DENND4C: variants seen among roughly 807,000 people sequenced by gnomAD.
DENND4C encodes DENN domain-containing protein 4C.
Under a neutral mutation model 203.0 loss-of-function variants are expected in DENND4C, and 108 were observed. The observed-to-expected ratio is 0.53, with a 90% CI of 0.46 to 0.62. The LOEUF (loss-of-function observed/expected upper bound fraction) is 0.62. Ranked by LOEUF, DENND4C falls within the 20% of genes least tolerant of loss-of-function variation. The pLI, the probability that DENND4C is intolerant of heterozygous loss-of-function variation, is 0.00. For synonymous variants in DENND4C, 871 were observed against 792.4 expected, an observed-to-expected ratio of 1.10 and a Z score of -1.67; for missense variants, 2,481 against 2,301.2, an observed-to-expected ratio of 1.08 and a Z score of -1.60.
At chr9:19,317,160 A>G (rs1399449245) in intron 12 of DENND4C, among the ~76,000 whole-genome samples, 1 of 149,666 alleles carries the variant, frequency 6.7e-6, no homozygotes, top group Non-Finnish European at 1.5e-5. Flanking sequence ...TCAATTTTGC[A>G]TAGTTCCTTG....
In DENND4C at chr9:19,350,602, T is replaced by G. The variant is rs917255910; in HGVS notation, c.4318-100T>G. On this transcript the variant is annotated intron_variant, in intron 23 of 32. Transcript: ENST00000434457. ...AAAAATGTGGGGATGATGATTTGTT[T>G]AAGGATTATAGAGTTTAATTTTGAA... 3 of 980,768 alleles carry G rather than the reference T, an allele frequency of 3.1e-6. No individual in the cohort carries two copies. The African/African-American group carries it at 4.9e-5, about 16-fold the overall frequency. The allele number at this position is 980,768 out of a possible 1,614,324, so 60.8% of individuals were successfully genotyped here. A position where few individuals can be genotyped will look rare whatever the true frequency, so the allele number is the denominator to read the frequency against.
In DENND4C at chr9:19,246,744, T is replaced by A. The variant is rs370977298; in HGVS notation, c.-18+15911T>A. ...TTTTGTTTTTGTTTGTTTGTTTTATTTTTATTTTATCTAGACCTGCACATC... is the reference window on the plus strand; with the variant it reads ...TTTTGTTTTTGTTTGTTTGTTTTATATTTATTTTATCTAGACCTGCACATC... On this transcript the variant is annotated intron_variant, in intron 1 of 32. Coordinates refer to ENST00000434457, the MANE Select transcript of DENND4C (RefSeq NM_001330640.2). 8.5e-5 allele frequency among the ~76,000 whole-genome samples: 13 copies of A among 152,298 alleles called. No homozygotes were observed. In the East Asian group the frequency reaches 9.6e-4, roughly 11 times the overall value.
rs1482046003 is a variant in DENND4C, at chr9:19,357,820, G to T, written c.4965-145G>T. On this transcript the variant is annotated intron_variant, in intron 27 of 32. Coordinates refer to ENST00000434457, the MANE Select transcript of DENND4C (RefSeq NM_001330640.2). ...GACCAGTTTTACAAAAATGGTTGAAGGAAATGCAATTCTTACAAGGTGGTG... is the reference window on the plus strand; with the variant it reads ...GACCAGTTTTACAAAAATGGTTGAATGAAATGCAATTCTTACAAGGTGGTG... 7.8e-5 allele frequency: 51 copies of T among 657,882 alleles called. No individual in the cohort carries two copies. The East Asian group carries it at 1.4e-3, about 18-fold the overall frequency. 40.8% of individuals were successfully genotyped at this position (657,882 alleles called of 1,614,324 possible).
At position 19,276,648 on chromosome 9, in the gene DENND4C, A is replaced by G. The variant is rs887104650; in HGVS notation, c.305+169A>G. ...TTATAGTAATATATTACATGCCAGT[A>G]TCCACCCTTACTGAATTTCTTTGCA... On this transcript the variant is annotated intron_variant, in intron 2 of 32. Coordinates refer to ENST00000434457, the MANE Select transcript of DENND4C (RefSeq NM_001330640.2). 6 of 420,030 alleles carry G rather than the reference A, an allele frequency of 1.4e-5. No individual in the cohort carries two copies. The East Asian group carries it at 2.2e-4, about 15-fold the overall frequency. The allele number at this position is 420,030 out of a possible 1,614,324, so 26.0% of individuals were successfully genotyped here.
chr9:19,335,144 TA>T, intron 18 of DENND4C, 39 bp downstream of exon 18: 2 of 1,406,800 alleles, frequency 1.4e-6, no homozygotes, highest in Non-Finnish European at 1.9e-6. Flanking sequence ...TGGTGTTTAT[TA>T]AGAATGATTA....
At position 19,361,882 on chromosome 9, in the gene DENND4C, G is replaced by C. The variant is rs767625879; in HGVS notation, c.5443G>C (p.Val1815Leu). Residue 1815 changes from valine to leucine, a missense_variant, in exon 30 of 33, where the codon GTG becomes CTG. By Grantham distance (32) the Val-to-Leu change is conservative. Transcript: ENST00000434457. ...ATCTCTGTCCCAGGATAGCAAACTTGTGTATATTCAGCTGTTATGGGATAA... is the reference window on the plus strand; with the variant it reads ...ATCTCTGTCCCAGGATAGCAAACTTCTGTATATTCAGCTGTTATGGGATAA... Reference protein sequence around the residue: ...LSSLSQDSKLVYIQLLWDNIN... With the variant: ...LSSLSQDSKLLYIQLLWDNIN... 1.2e-6 allele frequency: 2 copies of C among 1,612,396 alleles called. No individual in the cohort carries two copies. Among genetic ancestry groups the C allele is most frequent in the East Asian group, 4.5e-5 (2 of 44,864 alleles).
At chr9:19,371,565 C>T (rs1298908524) in intron 31 of DENND4C, 191 bp from the exon 32 acceptor site, 1 of 383,000 alleles carries the variant, frequency 2.6e-6, no homozygotes, top group South Asian at 3.5e-5. Context: ...TTCAATGTAG[C>T]CTTCACACAG....
Position 19,305,391 on chromosome 9 carries a change from C to G in DENND4C, c.1351C>G (p.Leu451Val). 1 of 1,613,724 alleles carries G rather than the reference C, an allele frequency of 6.2e-7. No homozygotes were observed. Among genetic ancestry groups the G allele is most frequent in the Non-Finnish European group, 8.5e-7 (1 of 1,179,814 alleles). ...PFQWQCPYIP[L>V]CPLSLAAVLS... ...TCAGTGGCAATGCCCATATATTCCC[C>G]TTTGTCCTCTTTCACTGGCTGCAGT... is the stretch of plus-strand genomic sequence containing the variant. The change falls in exon 10 of 33, where the codon CTT becomes GTT. Residue 451 changes from leucine (L) to valine (V), a missense_variant. This residue lies in a region of DENND4C where 2,289 missense variants were observed against 2,113.3 expected (regional missense o/e 1.08). Coordinates refer to ENST00000434457, the MANE Select transcript of DENND4C (RefSeq NM_001330640.2).
chr9:19,372,323 T>C lies in DENND4C; in HGVS notation c.*150T>C, dbSNP rs1202635814. Reference sequence around the variant, plus strand: ...AATATATAATGAATTATGATTCATATTGCATTACCTTGAAATATGAAGTGC... The same window carrying C: ...AATATATAATGAATTATGATTCATACTGCATTACCTTGAAATATGAAGTGC... On this transcript the variant is annotated 3_prime_UTR_variant, in exon 33 of 33. Transcript: ENST00000434457. 2 of 913,058 alleles carry C rather than the reference T, an allele frequency of 2.2e-6. No homozygotes were observed. The highest frequency in any genetic ancestry group is 3.2e-6 in the Non-Finnish European group (2 of 626,052). The allele number at this position is 913,058 out of a possible 1,614,324, so 56.6% of individuals were successfully genotyped here. A position where few individuals can be genotyped will look rare whatever the true frequency, so the allele number is the denominator to read the frequency against.
chr9:19,238,886 C>T (rs182663018), intron 1 of DENND4C, among the ~76,000 whole-genome samples: 6 of 151,052 alleles, frequency 4.0e-5, no homozygotes, highest in Middle Eastern at 3.4e-3. Flanking sequence ...CTCTTGACCT[C>T]AGGTGATCCA....
chr9:19,340,991 G>A lies in DENND4C; in HGVS notation c.2882-1G>A. On this transcript the variant is annotated splice_acceptor_variant, in intron 20 of 32. Coordinates refer to ENST00000434457, the MANE Select transcript of DENND4C (RefSeq NM_001330640.2). LOFTEE classifies it high-confidence loss of function. ...ATGTAAGTCTGCATTCTTTTTAACA[G>A]GTGGTCAGTCTGACCAAGGATACGG... 1 of 1,593,992 alleles carries A rather than the reference G, an allele frequency of 6.3e-7. No homozygotes were observed. Among genetic ancestry groups the A allele is most frequent in the Non-Finnish European group, 8.5e-7 (1 of 1,173,626 alleles).
intron 30 of DENND4C, among the ~76,000 whole-genome samples, chr9:19,364,443 C>T (rs949081321): frequency 2.0e-5 from 3 of 152,168 alleles, no homozygotes. Flanking sequence ...ATACAGTACA[C>T]AGCTAACTGT....
rs145792047 is a variant in DENND4C, at chr9:19,341,257, G to C, written c.3004+143G>C. 65 of 520,912 alleles carry C rather than the reference G, an allele frequency of 1.2e-4. No individual in the cohort carries two copies. The East Asian group carries it at 1.4e-3, about 11-fold the overall frequency. The allele number at this position is 520,912 out of a possible 1,614,324, so 32.3% of individuals were successfully genotyped here. ...TAAGATGCTGTGTACTGTTACATAA[G>C]GTAGATTTTGGTAGTCTCTGAAGTT... On this transcript the variant is annotated intron_variant, in intron 21 of 32. Coordinates refer to ENST00000434457, the MANE Select transcript of DENND4C (RefSeq NM_001330640.2).
chr9:19,275,060 C>T (rs535694280), intron 1 of DENND4C, among the ~76,000 whole-genome samples: 3 of 151,114 alleles, frequency 2.0e-5, no homozygotes, highest in East Asian at 2.0e-4. Context: ...CACTGCAAAC[C>T]TCTGCCCCCC....
intron 1 of DENND4C, among the ~76,000 whole-genome samples, chr9:19,269,193 G>A (rs1345644532): frequency 2.0e-5 from 3 of 151,330 alleles, no homozygotes; most frequent in South Asian, 4.2e-4. Context: ...ATGGAGTTTC[G>A]CTTTTGTTGC....
At chr9:19,317,509 C>T (rs75261636) in intron 12 of DENND4C, among the ~76,000 whole-genome samples, 3,232 of 152,164 alleles carry the variant, frequency 0.021, 121 homozygotes, top group African/African-American at 0.073. Flanking sequence ...AGCAATCTTA[C>T]ATCTATATCA....
At chr9:19,275,325 C>T (rs1388341225) in intron 1 of DENND4C, among the ~76,000 whole-genome samples, 2 of 133,220 alleles carry the variant, frequency 1.5e-5, no homozygotes, top group African/African-American at 2.9e-5. Flanking sequence ...CAGAGTCTCA[C>T]TCTGTCTTCC....
At chr9:19,252,655 A>T in intron 1 of DENND4C, among the ~76,000 whole-genome samples, 1 of 151,824 alleles carries the variant, frequency 6.6e-6, no homozygotes, top group Non-Finnish European at 1.5e-5. Context: ...TGATAGCTTC[A>T]TTGGCTCACA....
chr9:19,282,576 T>TAA (rs1834297272), intron 2 of DENND4C, among the ~76,000 whole-genome samples: 16 of 66,204 alleles, frequency 2.4e-4, no homozygotes, highest in African/African-American at 4.2e-4. Flanking sequence ...AAAAAAAAAA[T>TAA]AATGGGGTCT....
Sources: gnomAD v4.1 joint callset for allele counts (sites outside exome capture counted in the v4.1 genomes callset) on GRCh38, gnomAD v4.1.1 for gene constraint, gnomAD v4.1.1 regional missense constraint, MANE v1.5 for transcripts, NCBI Gene and HGNC (gene_info 2026-07-23, HGNC 2026-07-21) for gene names.